ENTREP2: variants seen among roughly 807,000 people sequenced by gnomAD.
ENTREP2 encodes protein ENTREP2.
chr15:29,159,082 C>T, the ENTREP2 span, among the ~76,000 whole-genome samples: 1 of 152,210 alleles, frequency 6.6e-6, no homozygotes, highest in African/African-American at 2.4e-5. Context: ...TTATTGGTCT[C>T]ACTGACTTCA....
chr15:29,168,547 G>A, the ENTREP2 span, among the ~76,000 whole-genome samples: 3 of 152,178 alleles, frequency 2.0e-5, no homozygotes, highest in African/African-American at 7.2e-5. Flanking sequence ...AGCAGTTATA[G>A]TCTACAGAGG....
At chr15:29,434,301 C>T in the ENTREP2 span, among the ~76,000 whole-genome samples, 1 of 152,210 alleles carries the variant, frequency 6.6e-6, no homozygotes. Flanking sequence ...GTCTGGTATT[C>T]ATTAAGCCTT....
At chr15:29,425,908 G>A in the ENTREP2 span, among the ~76,000 whole-genome samples, 1 of 151,366 alleles carries the variant, frequency 6.6e-6, no homozygotes. Flanking sequence ...TTAACTTTAT[G>A]TTTCATTGGT....
the ENTREP2 span, among the ~76,000 whole-genome samples, chr15:29,410,130 T>G: frequency 6.6e-6 from 1 of 152,186 alleles, no homozygotes; most frequent in Non-Finnish European, 1.5e-5. Flanking sequence ...TCTTTGTTTG[T>G]ATGTTTGCTT....
the ENTREP2 span, among the ~76,000 whole-genome samples, chr15:29,649,727 C>CA: frequency 0.1 from 6,868 of 66,998 alleles, 189 homozygotes; most frequent in South Asian, 0.14. Context: ...TCAACAACAA[C>CA]AAAAAAAAAA....
At chr15:29,340,714 T>C in the ENTREP2 span, among the ~76,000 whole-genome samples, 1 of 152,208 alleles carries the variant, frequency 6.6e-6, no homozygotes, top group Non-Finnish European at 1.5e-5. Context: ...TGACTGTTAC[T>C]AATACATTGA....
the ENTREP2 span, among the ~76,000 whole-genome samples, chr15:29,143,901 T>C: frequency 6.6e-6 from 1 of 152,186 alleles, no homozygotes; most frequent in African/African-American, 2.4e-5. Context: ...AAAGGGGTCA[T>C]GAAGATGTGA....
the ENTREP2 span, among the ~76,000 whole-genome samples, chr15:29,379,769 A>G: frequency 1.3e-5 from 2 of 152,070 alleles, no homozygotes; most frequent in Non-Finnish European, 2.9e-5. Flanking sequence ...CCTGATGCTG[A>G]GGCCAGGGCT....
chr15:29,616,973 T>G, the ENTREP2 span, among the ~76,000 whole-genome samples: 1 of 152,120 alleles, frequency 6.6e-6, no homozygotes, highest in Non-Finnish European at 1.5e-5. Context: ...GGCAAGAGAA[T>G]CACTTGAACC....
At chr15:29,357,749 G>C in the ENTREP2 span, among the ~76,000 whole-genome samples, 1 of 151,916 alleles carries the variant, frequency 6.6e-6, no homozygotes, top group South Asian at 2.1e-4. Context: ...TGAGGCAGGA[G>C]AATGGCATGA....
the ENTREP2 span, among the ~76,000 whole-genome samples, chr15:29,335,921 C>A: frequency 6.6e-6 from 1 of 151,960 alleles, no homozygotes; most frequent in Non-Finnish European, 1.5e-5. Flanking sequence ...GCGGGTGGAT[C>A]ACAACGTCAG....
At chr15:29,249,782 C>T in the ENTREP2 span, among the ~76,000 whole-genome samples, 1 of 152,038 alleles carries the variant, frequency 6.6e-6, no homozygotes, top group Non-Finnish European at 1.5e-5. Flanking sequence ...CTGGCTCATG[C>T]AGGCTGTACA....
At chr15:29,619,537 A>C in the ENTREP2 span, among the ~76,000 whole-genome samples, 1 of 152,066 alleles carries the variant, frequency 6.6e-6, no homozygotes, top group Non-Finnish European at 1.5e-5. Context: ...ACACAAACCC[A>C]GGCCTATCAA....
At chr15:29,342,545 A>G in the ENTREP2 span, among the ~76,000 whole-genome samples, 2 of 152,096 alleles carry the variant, frequency 1.3e-5, no homozygotes, top group Admixed American at 6.6e-5. Flanking sequence ...AATTGTCTTA[A>G]TTCTGAAAAA....
chr15:29,222,847 A>T, the ENTREP2 span, among the ~76,000 whole-genome samples: 2 of 152,228 alleles, frequency 1.3e-5, no homozygotes, highest in African/African-American at 4.8e-5. Flanking sequence ...CATACCATAA[A>T]TACAAAGCAA....
At chr15:29,357,065 C>T in the ENTREP2 span, among the ~76,000 whole-genome samples, 2 of 152,058 alleles carry the variant, frequency 1.3e-5, no homozygotes, top group Non-Finnish European at 2.9e-5. Flanking sequence ...AGTGTATTTA[C>T]AACAAAGTGG....
At chr15:29,138,189 A>G in the ENTREP2 span, among the ~76,000 whole-genome samples, 1 of 152,176 alleles carries the variant, frequency 6.6e-6, no homozygotes, top group Non-Finnish European at 1.5e-5. Context: ...AGACAACTTC[A>G]TGAGTTCCAG....
At chr15:29,502,655 C>T in the ENTREP2 span, among the ~76,000 whole-genome samples, 1 of 151,868 alleles carries the variant, frequency 6.6e-6, no homozygotes, top group Non-Finnish European at 1.5e-5. Context: ...GAAAAGACAA[C>T]CCATAGAATG....
At chr15:29,668,352 T>C in the ENTREP2 span, among the ~76,000 whole-genome samples, 11 of 152,170 alleles carry the variant, frequency 7.2e-5, no homozygotes, top group Middle Eastern at 3.2e-3. Context: ...GAAAACAGTT[T>C]GGTGCGTCCT....
Sources: gnomAD v4.1 joint callset for allele counts (sites outside exome capture counted in the v4.1 genomes callset) on GRCh38, gnomAD v4.1.1 for gene constraint, MANE v1.5 for transcripts, NCBI Gene and HGNC (gene_info 2026-07-23, HGNC 2026-07-21) for gene names.